The following FKBP5 variants were observed in gnomAD, a reference collection of about 807,000 sequenced individuals.
FKBP5 encodes peptidyl-prolyl cis-trans isomerase FKBP5.
FKBP5 carries 23 observed loss-of-function variants against 50.5 expected under a neutral mutation model. The ratio of observed to expected loss-of-function variants is 0.46; its 90% CI spans 0.33 to 0.65. The LOEUF (loss-of-function observed/expected upper bound fraction) is 0.65. Among genes scored for constraint, FKBP5 ranks in the 30% least tolerant of loss-of-function variants. The pLI is 0.02. For synonymous variants in FKBP5, 176 were observed against 190.6 expected, an observed-to-expected ratio of 0.92 and a Z score of 0.63; for missense variants, 411 against 553.1, an observed-to-expected ratio of 0.74 and a Z score of 2.58.
Position 35,616,338 on chromosome 6 carries a change from A to AAG in FKBP5, c.508+2756_508+2757dup, listed in dbSNP as rs1561859647. ...TCAAAAAAAAAAAAAAAAAAAAAAAAAGTAAATACAATGCTGGATCCTGAG... is the reference window on the plus strand; with the variant it reads ...TCAAAAAAAAAAAAAAAAAAAAAAAAAGAGTAAATACAATGCTGGATCCTGAG... On this transcript the variant is annotated intron_variant, in intron 5 of 10. Coordinates refer to ENST00000357266, the MANE Select transcript of FKBP5 (RefSeq NM_004117.4). 1.3e-3 allele frequency among the ~76,000 whole-genome samples: 190 copies of AAG among 146,674 alleles called. 2 individuals are homozygous for AAG. Among genetic ancestry groups the AAG allele is most frequent in the Non-Finnish European group, 2.0e-3 (135 of 65,964 alleles).
chr6:35,703,344 G>C (rs969437054), intron 2 of FKBP5, among the ~76,000 whole-genome samples: 1 of 152,022 alleles, frequency 6.6e-6, no homozygotes. Context: ...CCCGGGAGGC[G>C]GAGGTTGTAG....
chr6:35,636,372 A>G (rs1206486462), intron 3 of FKBP5, among the ~76,000 whole-genome samples: 2 of 152,230 alleles, frequency 1.3e-5, no homozygotes, highest in Non-Finnish European at 1.5e-5. Flanking sequence ...ACACCTGCCA[A>G]ATACTGAATC....
intron 3 of FKBP5, among the ~76,000 whole-genome samples, chr6:35,625,133 G>T (rs2150980805): frequency 6.6e-6 from 1 of 152,278 alleles, no homozygotes; most frequent in South Asian, 2.1e-4. Flanking sequence ...GCCCAGGCTG[G>T]AGTGCAGTGG....
At chr6:35,682,328 C>G (rs752509746) in intron 1 of FKBP5, among the ~76,000 whole-genome samples, 1 of 152,192 alleles carries the variant, frequency 6.6e-6, no homozygotes, top group Non-Finnish European at 1.5e-5. Flanking sequence ...GACTCAATCT[C>G]TAAGATGTTT....
rs758119749 is a variant in FKBP5, at chr6:35,588,767, ATTTT to A, written c.757-1654_757-1651del. ...AAGCATGTGCCACCATGTCCAGCTA[ATTTT>A]TTTTTTTTTTTTTTGGTAGAGACGG... On this transcript the variant is annotated intron_variant, in intron 7 of 10. Coordinates refer to ENST00000357266, the MANE Select transcript of FKBP5 (RefSeq NM_004117.4). Among the ~76,000 whole-genome samples, 6 of 135,712 alleles carry A rather than the reference ATTTT, an allele frequency of 4.4e-5. No individual in the cohort carries two copies. In the South Asian group the frequency reaches 9.4e-4, roughly 21 times the overall value. 89.0% of individuals were successfully genotyped at this position (135,712 alleles called of 152,430 possible). A position where few individuals can be genotyped will look rare whatever the true frequency, so the allele number is the denominator to read the frequency against.
At chr6:35,683,114 ACGTATATGTG>A (rs1561893252) in intron 1 of FKBP5, among the ~76,000 whole-genome samples, 5 of 108,766 alleles carry the variant, frequency 4.6e-5, no homozygotes, top group Admixed American at 1.0e-4. Flanking sequence ...GTATATATAT[ACGTATATGTG>A]TGTGTGTGTG....
intron 3 of FKBP5, among the ~76,000 whole-genome samples, chr6:35,628,464 C>A: frequency 6.6e-6 from 1 of 152,146 alleles, no homozygotes; most frequent in East Asian, 1.9e-4. Context: ...AGCTGACAAA[C>A]AAGGTTAATC....
chr6:35,714,685 C>T (rs991525790), intron 2 of FKBP5, among the ~76,000 whole-genome samples: 7 of 151,136 alleles, frequency 4.6e-5, no homozygotes, highest in Middle Eastern at 3.2e-3. Context: ...AGCATGGTGG[C>T]GGGAGCCTGT....
At chr6:35,627,578 TTC>T (rs1764037685) in intron 3 of FKBP5, among the ~76,000 whole-genome samples, 1 of 152,204 alleles carries the variant, frequency 6.6e-6, no homozygotes, top group Non-Finnish European at 1.5e-5. Flanking sequence ...CTGCCTTTCA[TTC>T]TGTTACTGTT....
At chr6:35,672,739 C>A (rs1368014960) in intron 1 of FKBP5, among the ~76,000 whole-genome samples, 1 of 147,828 alleles carries the variant, frequency 6.8e-6, no homozygotes, top group Non-Finnish European at 1.5e-5. Context: ...TTCTGGCTAA[C>A]ACGGTGAAAA....
chr6:35,581,534 G>T (rs1369557737), intron 8 of FKBP5: 1 of 970,736 alleles, frequency 1.0e-6, no homozygotes, highest in Non-Finnish European at 1.2e-6. Flanking sequence ...AGGTTGCAGT[G>T]AGCCAAGATC....
intron 2 of FKBP5, among the ~76,000 whole-genome samples, chr6:35,707,068 C>T (rs9462104): frequency 0.76 from 115,788 of 152,046 alleles, 44,690 homozygotes; most frequent in African/African-American, 0.9. Flanking sequence ...AAACTCTTAA[C>T]GGTGGTTATG....
chr6:35,597,447 G>A (rs563007589), intron 5 of FKBP5, 43 bp from the exon 6 acceptor site: 7 of 1,584,932 alleles, frequency 4.4e-6, no homozygotes, highest in South Asian at 1.1e-5. Context: ...CTGCTTCTTA[G>A]GACTGGCTAA....
chr6:35,641,558 G>A (rs921260444), intron 2 of FKBP5, among the ~76,000 whole-genome samples: 3 of 152,178 alleles, frequency 2.0e-5, no homozygotes, highest in Admixed American at 6.5e-5. Context: ...TGCTGAAGGT[G>A]CAGTCTGTCA....
chr6:35,640,005 T>G lies in FKBP5; in HGVS notation c.105+2715A>C, dbSNP rs181585750. Among the ~76,000 whole-genome samples, 250 of 152,388 alleles carry G rather than the reference T, an allele frequency of 1.6e-3. 1 individual carries two copies. Among genetic ancestry groups the G allele is most frequent in the African/African-American group, 5.6e-3 (234 of 41,590 alleles). On this transcript the variant is annotated intron_variant, in intron 2 of 10. Transcript: ENST00000357266. ...TTCTCAGATTCAGTTTATTCACTTA[T>G]AAGATGGAAGAATCAAGAGATGCTC...
At chr6:35,611,727 A>G (rs1763500387) in intron 5 of FKBP5, among the ~76,000 whole-genome samples, 1 of 152,230 alleles carries the variant, frequency 6.6e-6, no homozygotes, top group Non-Finnish European at 1.5e-5. Flanking sequence ...GGTCATCTTA[A>G]CTGACACAAG....
intron 1 of FKBP5, among the ~76,000 whole-genome samples, chr6:35,648,047 C>T (rs926494539): frequency 2.0e-5 from 3 of 152,088 alleles, no homozygotes; most frequent in African/African-American, 7.2e-5. Context: ...ACAGAATCAC[C>T]TGAGGAGCTT....
chr6:35,635,680 T>A (rs1176636975), intron 3 of FKBP5, among the ~76,000 whole-genome samples: 1 of 152,164 alleles, frequency 6.6e-6, no homozygotes, highest in East Asian at 1.9e-4. Flanking sequence ...GTACAAAGTA[T>A]TTGTATATTT....
At chr6:35,687,147 A>G (rs550741546) in intron 1 of FKBP5, among the ~76,000 whole-genome samples, 1 of 152,356 alleles carries the variant, frequency 6.6e-6, no homozygotes, top group East Asian at 1.9e-4. Flanking sequence ...ACTTAAACTT[A>G]ATCTCCGAAG....
Sources: allele counts gnomAD v4.1 joint callset (sites outside exome capture counted in the v4.1 genomes callset), GRCh38; gene constraint gnomAD v4.1.1; transcripts MANE v1.5; gene names NCBI Gene and HGNC (gene_info 2026-07-23, HGNC 2026-07-21).